Variants in TTC27 observed in about 807,000 individuals in gnomAD.
The protein encoded by TTC27 is tetratricopeptide repeat protein 27.
In TTC27, 79 loss-of-function variants were observed where a neutral mutation model predicts 115.9. The observed-to-expected ratio is 0.68, with a 90% confidence interval of 0.57 to 0.82. TTC27 has a LOEUF of 0.82. Among genes scored for constraint, TTC27 ranks in the 40% least tolerant of loss-of-function variants. The pLI is 0.00. For missense variants in TTC27, 1,054 were observed against 993.1 expected (o/e 1.06, Z -0.82); for synonymous variants, 401 against 356.0 (o/e 1.13, Z -1.42).
At chr2:32,773,395 G>C (rs1327626464) in intron 13 of TTC27, among the ~76,000 whole-genome samples, 1 of 152,220 alleles carries the variant, frequency 6.6e-6, no homozygotes, top group Non-Finnish European at 1.5e-5. Flanking sequence ...TGTGGGGGAA[G>C]AGATATGCTC....
chr2:32,775,280 C>T (rs377520538), intron 13 of TTC27, among the ~76,000 whole-genome samples: 2 of 152,216 alleles, frequency 1.3e-5, no homozygotes, highest in African/African-American at 4.8e-5. Context: ...TCACTGCAAG[C>T]TCCACCTCCT....
At chr2:32,767,487 C>G (rs1156821871) in intron 13 of TTC27, among the ~76,000 whole-genome samples, 1 of 124,938 alleles carries the variant, frequency 8.0e-6, no homozygotes, top group African/African-American at 3.0e-5. Context: ...GAGTCTCGCT[C>G]TGTCTCCCAG....
At chr2:32,810,306 T>C (rs1395855794) in intron 16 of TTC27, among the ~76,000 whole-genome samples, 1 of 152,148 alleles carries the variant, frequency 6.6e-6, no homozygotes, top group Non-Finnish European at 1.5e-5. Flanking sequence ...AGGCCTGAAC[T>C]TAGGTAGGAG....
chr2:32,703,403 G>A (rs568654883), intron 10 of TTC27, among the ~76,000 whole-genome samples: 2 of 152,312 alleles, frequency 1.3e-5, no homozygotes, highest in East Asian at 1.9e-4. Context: ...GGAGGCAAAG[G>A]TCGCAGTGAG....
chr2:32,714,677 A>C (rs1458173750), intron 10 of TTC27, among the ~76,000 whole-genome samples: 1 of 152,186 alleles, frequency 6.6e-6, no homozygotes, highest in African/African-American at 2.4e-5. Context: ...GCTGCTTTCC[A>C]CAATGGCTGA....
chr2:32,731,073 GT>G, intron 10 of TTC27, among the ~76,000 whole-genome samples: 1 of 151,852 alleles, frequency 6.6e-6, no homozygotes, highest in East Asian at 1.9e-4. Flanking sequence ...TATGTGTGGG[GT>G]TTTTTTTGTG....
intron 9 of TTC27, among the ~76,000 whole-genome samples, chr2:32,689,379 T>G (rs1666739629): frequency 6.6e-6 from 1 of 152,152 alleles, no homozygotes; most frequent in South Asian, 2.1e-4. Context: ...ATTTTAAGAT[T>G]ATCAATATAG....
At chr2:32,678,748 C>T in intron 8 of TTC27, 108 bp from the exon 9 acceptor site, 2 of 786,596 alleles carry the variant, frequency 2.5e-6, no homozygotes, top group Non-Finnish European at 4.0e-6. Flanking sequence ...TAAATATCTG[C>T]TTTCAAATAT....
At chr2:32,721,620 CT>C (rs58839860) in intron 10 of TTC27, among the ~76,000 whole-genome samples, 591 of 137,300 alleles carry the variant, frequency 4.3e-3, no homozygotes, top group African/African-American at 0.012. Flanking sequence ...CTCTCTCTCT[CT>C]TTTTTTTTTT....
rs907617872 is a variant in TTC27, at chr2:32,820,870, A to G, written c.2464A>G (p.Ile822Val). The part of the protein sequence containing the change: ...GEMSRELADD[I>V]TAMDTLVTEL... ...AATGTCCAGGGAATTAGCTGATGAC[A>G]TAACAGCTATGGACACCTTAGTGAC... The change falls in exon 20 of 20, where the codon ATA becomes GTA. Residue 822 changes from isoleucine to valine, a missense_variant. Coordinates refer to ENST00000317907, the MANE Select transcript of TTC27 (RefSeq NM_017735.5). The G allele has an allele frequency of 5.8e-6, 9 of 1,545,184 alleles. No homozygotes were observed. Among genetic ancestry groups the G allele is most frequent in the African/African-American group, 2.7e-5 (2 of 72,972 alleles).
At chr2:32,765,317 G>A (rs35797726) in intron 13 of TTC27, among the ~76,000 whole-genome samples, 3 of 151,578 alleles carry the variant, frequency 2.0e-5, no homozygotes, top group South Asian at 4.2e-4. Context: ...CTTGTGTGAC[G>A]AGGTGCTATG....
chr2:32,698,211 G>A (rs1667058798), intron 9 of TTC27, among the ~76,000 whole-genome samples: 1 of 152,006 alleles, frequency 6.6e-6, no homozygotes, highest in South Asian at 2.1e-4. Context: ...ATGGCTCACT[G>A]CAGCCTTGAC....
chr2:32,716,690 T>C (rs1300771324), intron 10 of TTC27, among the ~76,000 whole-genome samples: 1 of 152,066 alleles, frequency 6.6e-6, no homozygotes, highest in Non-Finnish European at 1.5e-5. Context: ...GTTTGTTCTA[T>C]ATGTTTTTTT....
At chr2:32,719,730 GA>G (rs1304373577) in intron 10 of TTC27, among the ~76,000 whole-genome samples, 1 of 152,186 alleles carries the variant, frequency 6.6e-6, no homozygotes, top group Non-Finnish European at 1.5e-5. Context: ...CATGATCTCA[GA>G]TGCAGATCTG....
At chr2:32,675,014 A>G (rs957917315) in intron 8 of TTC27, among the ~76,000 whole-genome samples, 2 of 152,222 alleles carry the variant, frequency 1.3e-5, no homozygotes, top group Non-Finnish European at 2.9e-5. Flanking sequence ...TTCAATCCAT[A>G]ACAACATTTA....
At chr2:32,790,984 G>A (rs1670515565) in intron 16 of TTC27, among the ~76,000 whole-genome samples, 1 of 152,116 alleles carries the variant, frequency 6.6e-6, no homozygotes, top group Admixed American at 6.5e-5. Flanking sequence ...AGGACTTCCA[G>A]TACTATGTTG....
At chr2:32,657,950 C>T (rs1210933637) in intron 5 of TTC27, among the ~76,000 whole-genome samples, 1 of 152,194 alleles carries the variant, frequency 6.6e-6, no homozygotes, top group Non-Finnish European at 1.5e-5. Flanking sequence ...CAGCCTCAGC[C>T]TCCCAAGAAG....
intron 10 of TTC27, among the ~76,000 whole-genome samples, chr2:32,707,718 A>C (rs1210659044): frequency 6.6e-6 from 1 of 152,190 alleles, no homozygotes; most frequent in Non-Finnish European, 1.5e-5. Flanking sequence ...TAGAAATACA[A>C]ATATTATTCC....
At chr2:32,782,408 T>C (rs898686608) in intron 14 of TTC27, among the ~76,000 whole-genome samples, 1 of 152,240 alleles carries the variant, frequency 6.6e-6, no homozygotes, top group Non-Finnish European at 1.5e-5. Flanking sequence ...ATTGGTACAA[T>C]AATAGTTACA....
Sources: gnomAD v4.1 joint callset for allele counts (sites outside exome capture counted in the v4.1 genomes callset) on GRCh38, gnomAD v4.1.1 for gene constraint, MANE v1.5 for transcripts, NCBI Gene and HGNC (gene_info 2026-07-23, HGNC 2026-07-21) for gene names.